Variants in PTPRB observed in about 807,000 individuals in gnomAD.
PTPRB encodes the protein protein tyrosine phosphatase receptor type B.
In PTPRB, 97 loss-of-function variants were observed where a neutral mutation model predicts 238.1. That is an observed-to-expected ratio of 0.41 (90% CI 0.35 to 0.48). The LOEUF is 0.48. Ranked by LOEUF, PTPRB falls within the 20% of genes least tolerant of loss-of-function variation. The pLI is 0.30. For synonymous variants in PTPRB, 970 were observed against 995.4 expected, an observed-to-expected ratio of 0.97 and a Z score of 0.48; for missense variants, 2,292 against 2,681.9, an observed-to-expected ratio of 0.85 and a Z score of 3.21.
intron 4 of PTPRB, among the ~76,000 whole-genome samples, chr12:70,601,796 T>C (rs1490981307): frequency 2.2e-5 from 2 of 92,138 alleles, no homozygotes; most frequent in Middle Eastern, 5.8e-3. Context: ...TTTTCTTTTT[T>C]TTTTTTTTTT....
chr12:70,555,732 C>T, intron 19 of PTPRB, 138 bp downstream of exon 19: 1 of 1,119,106 alleles, frequency 8.9e-7, no homozygotes. Flanking sequence ...GTCCTCCTCT[C>T]CAGGTGGCAA....
At chr12:70,622,957 G>T (rs975368448) in intron 2 of PTPRB, among the ~76,000 whole-genome samples, 1 of 150,304 alleles carries the variant, frequency 6.7e-6, no homozygotes, top group Admixed American at 6.7e-5. Flanking sequence ...TTAGGGGGGG[G>T]GTCACTGAAT....
At chr12:70,568,360 T>G (rs1285018160) in intron 14 of PTPRB, among the ~76,000 whole-genome samples, 1 of 152,104 alleles carries the variant, frequency 6.6e-6, no homozygotes, top group Non-Finnish European at 1.5e-5. Flanking sequence ...TGCAGTGGCA[T>G]GATCTCAGCT....
intron 21 of PTPRB, among the ~76,000 whole-genome samples, chr12:70,546,845 G>A (rs1474337531): frequency 6.6e-6 from 1 of 152,140 alleles, no homozygotes; most frequent in African/African-American, 2.4e-5. Flanking sequence ...GAAGCTGGAG[G>A]AGGGCATCGC....
intron 8 of PTPRB, among the ~76,000 whole-genome samples, chr12:70,588,399 T>C (rs958542095): frequency 6.6e-5 from 10 of 151,922 alleles, no homozygotes; most frequent in African/African-American, 1.9e-4. Context: ...TTTGGGAGGT[T>C]GAGGCGGGTG....
At chr12:70,598,722 T>C (rs554250020) in intron 4 of PTPRB, among the ~76,000 whole-genome samples, 1 of 152,294 alleles carries the variant, frequency 6.6e-6, no homozygotes, top group South Asian at 2.1e-4. Context: ...CCAGTGATAG[T>C]TCAAAAGGGA....
At chr12:70,536,947 C>G (rs192878916) in intron 28 of PTPRB, among the ~76,000 whole-genome samples, 1 of 152,140 alleles carries the variant, frequency 6.6e-6, no homozygotes, top group African/African-American at 2.4e-5. Context: ...TACTGAGTGC[C>G]GTTCTCAGAC....
chr12:70,619,657 C>T (rs923580903), intron 3 of PTPRB, among the ~76,000 whole-genome samples: 13 of 152,068 alleles, frequency 8.5e-5, no homozygotes, highest in African/African-American at 3.1e-4. Context: ...CCTAGACTCC[C>T]CAGCCTACAC....
At chr12:70,632,927 T>C (rs1885520766) in intron 2 of PTPRB, among the ~76,000 whole-genome samples, 1 of 152,204 alleles carries the variant, frequency 6.6e-6, no homozygotes, top group Admixed American at 6.5e-5. Flanking sequence ...ACAGGGTACC[T>C]GAGTGCTAGC....
intron 2 of PTPRB, among the ~76,000 whole-genome samples, chr12:70,630,080 C>T (rs1885378639): frequency 6.6e-6 from 1 of 152,120 alleles, no homozygotes; most frequent in African/African-American, 2.4e-5. Context: ...AGGGAATCCT[C>T]ATCCTGATAC....
intron 22 of PTPRB, chr12:70,542,773 G>C (rs1401254025): frequency 6.6e-6 from 1 of 151,132 alleles, no homozygotes; most frequent in Non-Finnish European, 1.5e-5. Flanking sequence ...TGTAGTCCCT[G>C]CTACTTAGGA....
chr12:70,547,730 CT>C lies in PTPRB; in HGVS notation c.5388-3068del, dbSNP rs377648004. On this transcript the variant is annotated intron_variant, in intron 21 of 33. Coordinates refer to ENST00000334414, the MANE Select transcript of PTPRB (RefSeq NM_001109754.4). The stretch of plus-strand genomic sequence containing the variant: ...CCATGTTGCCCAGGCTAGTCTTGAA[CT>C]CCTGGGCTCAAGCTATCTGCCTGTC... Among the ~76,000 whole-genome samples, 804 of 152,140 alleles carry C rather than the reference CT, an allele frequency of 5.3e-3. 6 individuals carry two copies. The highest frequency in any genetic ancestry group is 0.039 in the South Asian group (190 of 4,816).
chr12:70,626,303 CTATCTATCTATCTATCTATCT>C (rs1885181829), intron 2 of PTPRB, among the ~76,000 whole-genome samples: 2 of 71,056 alleles, frequency 2.8e-5, no homozygotes, highest in African/African-American at 1.1e-4. Flanking sequence ...ATCCATCTAT[CTATCTATCTATCTATCTATCT>C]ATCTATCTAT....
At chr12:70,558,591 C>G (rs368045021) in intron 18 of PTPRB, among the ~76,000 whole-genome samples, 56 of 152,150 alleles carry the variant, frequency 3.7e-4, no homozygotes, top group Non-Finnish European at 6.5e-4. Context: ...CTGGTATATG[C>G]TTCGTCGTCG....
intron 9 of PTPRB, among the ~76,000 whole-genome samples, chr12:70,586,656 T>C (rs1272871405): frequency 6.6e-6 from 1 of 152,206 alleles, no homozygotes; most frequent in African/African-American, 2.4e-5. Context: ...CCCTCCAGCA[T>C]AAAACATGCT....
intron 18 of PTPRB, among the ~76,000 whole-genome samples, chr12:70,556,661 G>A (rs1315615044): frequency 6.6e-6 from 1 of 152,200 alleles, no homozygotes; most frequent in African/African-American, 2.4e-5. Flanking sequence ...GATCCAGGAA[G>A]CTCAGAAAAC....
chr12:70,612,663 G>A (rs1394658680), intron 3 of PTPRB, among the ~76,000 whole-genome samples: 1 of 143,240 alleles, frequency 7.0e-6, no homozygotes, highest in Non-Finnish European at 1.5e-5. Context: ...ACAAGCAGCT[G>A]TCTTAAAAAA....
At chr12:70,592,643 T>G in intron 6 of PTPRB, 98 bp from the exon 7 acceptor site, 1 of 1,291,776 alleles carries the variant, frequency 7.7e-7, no homozygotes, top group Non-Finnish European at 1.1e-6. Flanking sequence ...CAAGCCACAT[T>G]CCTTGCTCTG....
At chr12:70,541,559 A>G (rs1474915047) in intron 22 of PTPRB, 1 of 152,146 alleles carries the variant, frequency 6.6e-6, no homozygotes, top group African/African-American at 2.4e-5. Flanking sequence ...ACCACAATCA[A>G]TTTTAAAACA....
Sources: gnomAD v4.1 joint callset for allele counts (sites outside exome capture counted in the v4.1 genomes callset) on GRCh38, gnomAD v4.1.1 for gene constraint, MANE v1.5 for transcripts, NCBI Gene and HGNC (gene_info 2026-07-23, HGNC 2026-07-21) for gene names.